Variants in LYRM4 observed in about 807,000 individuals in gnomAD.
LYRM4 encodes LYR motif-containing protein 4.
LYRM4 carries 9 observed loss-of-function variants against 11.7 expected under a neutral mutation model. The ratio of observed to expected loss-of-function variants is 0.77; its 90% CI spans 0.46 to 1.34. The LOEUF (loss-of-function observed/expected upper bound fraction) is 1.34, where lower values mean the gene tolerates loss of function less well. Ranked by LOEUF, LYRM4 falls within the 40% of genes most tolerant of loss-of-function variation. The probability of loss-of-function intolerance (pLI) is 0.00; values close to 1 mark genes in which losing one functional copy is unlikely to be tolerated. For synonymous variants in LYRM4, 42 were observed against 40.4 expected (o/e 1.04, Z -0.15); for missense variants, 133 against 112.5 (o/e 1.18, Z -0.82).
chr6:5,035,493 ACCTC>A, the LYRM4 span, among the ~76,000 whole-genome samples: 2 of 131,838 alleles, frequency 1.5e-5, no homozygotes, highest in East Asian at 4.7e-4. Flanking sequence ...ACTCTCCTCC[ACCTC>A]CCCCACCAGC....
intron 1 of LYRM4, among the ~76,000 whole-genome samples, chr6:5,225,247 CAAAA>C (rs35803077): frequency 3.9e-5 from 3 of 77,010 alleles, no homozygotes; most frequent in African/African-American, 1.6e-4. Flanking sequence ...GACTCCGAAT[CAAAA>C]AAAAAAAAAA....
chr6:5,115,555 A>G (rs1007161416), intron 2 of LYRM4, among the ~76,000 whole-genome samples: 4 of 152,144 alleles, frequency 2.6e-5, no homozygotes, highest in African/African-American at 9.7e-5. Context: ...ACCAATCTAG[A>G]GGATGAAAAT....
At chr6:5,234,340 G>A (rs374544873) in intron 1 of LYRM4, among the ~76,000 whole-genome samples, 9 of 152,208 alleles carry the variant, frequency 5.9e-5, no homozygotes, top group African/African-American at 1.9e-4. Flanking sequence ...TGGCCTTCAC[G>A]GGGCAGCTCC....
At chr6:5,055,565 AAT>A in the LYRM4 span, among the ~76,000 whole-genome samples, 1 of 152,108 alleles carries the variant, frequency 6.6e-6, no homozygotes, top group Non-Finnish European at 1.5e-5. The surrounding 1 kb of genome is among the most constrained non-coding windows in gnomAD (Gnocchi z 4.5). Flanking sequence ...AATGCTACCT[AAT>A]ATCTGTCCCA....
intron 2 of LYRM4, among the ~76,000 whole-genome samples, chr6:5,207,656 C>T (rs1761772947): frequency 1.3e-5 from 2 of 152,294 alleles, no homozygotes; most frequent in South Asian, 4.1e-4. Flanking sequence ...GAGCTGTAGC[C>T]TTCAGATCTA....
At chr6:5,081,682 G>A in the LYRM4 span, among the ~76,000 whole-genome samples, 3 of 152,164 alleles carry the variant, frequency 2.0e-5, no homozygotes, top group Non-Finnish European at 4.4e-5. Context: ...AAAACTCTTG[G>A]AATTTTCTGA....
chr6:5,078,667 G>A, the LYRM4 span, among the ~76,000 whole-genome samples: 1 of 152,126 alleles, frequency 6.6e-6, no homozygotes, highest in Non-Finnish European at 1.5e-5. Flanking sequence ...AAATGATCCA[G>A]GCAAGAAGGG....
chr6:5,109,566 C>T (rs1373756005), intron 2 of LYRM4, 75 bp from the exon 3 acceptor site: 4 of 1,436,182 alleles, frequency 2.8e-6, no homozygotes, highest in Admixed American at 1.7e-5. Context: ...GGAACATTTC[C>T]TAACATTTCT....
chr6:5,085,263 C>G, the LYRM4 span: 13 of 463,860 alleles, frequency 2.8e-5, no homozygotes, highest in East Asian at 2.1e-4. Flanking sequence ...GCCCCGGAGC[C>G]GGCCCCAGGC....
At chr6:5,211,122 T>C (rs1761967205) in intron 2 of LYRM4, among the ~76,000 whole-genome samples, 1 of 152,182 alleles carries the variant, frequency 6.6e-6, no homozygotes, top group Non-Finnish European at 1.5e-5. Flanking sequence ...TGGGGTGCAC[T>C]ATCTGTTTTC....
In LYRM4 at chr6:5,249,909, C is replaced by T. The variant is rs145735218; in HGVS notation, c.86+10739G>A. On this transcript the variant is annotated intron_variant, in intron 1 of 2. Coordinates refer to ENST00000330636, the MANE Select transcript of LYRM4 (RefSeq NM_020408.6). ...TAATATGACATGAAGTACCTTTCAT[C>T]CTCAGCAAAGTCTGCATATGACTAT... Among the ~76,000 whole-genome samples the T allele has an allele frequency of 5.3e-3, 813 of 152,256 alleles. 9 individuals carry two copies. Among genetic ancestry groups the T allele is most frequent in the African/African-American group, 0.018 (732 of 41,544 alleles).
chr6:5,082,467 C>T, the LYRM4 span, among the ~76,000 whole-genome samples: 1 of 152,104 alleles, frequency 6.6e-6, no homozygotes. Flanking sequence ...AGTCCAAATC[C>T]TAAGGCACCT....
At chr6:5,140,393 T>C (rs752794597) in intron 2 of LYRM4, among the ~76,000 whole-genome samples, 1 of 152,178 alleles carries the variant, frequency 6.6e-6, no homozygotes, top group Non-Finnish European at 1.5e-5. Flanking sequence ...AAAATAAAGC[T>C]TAACTAAAAT....
chr6:5,223,259 G>A (rs1239208728), intron 1 of LYRM4, among the ~76,000 whole-genome samples: 1 of 152,188 alleles, frequency 6.6e-6, no homozygotes, highest in African/African-American at 2.4e-5. Flanking sequence ...GCTGTTTTGA[G>A]GGTACAATAG....
intron 2 of LYRM4, among the ~76,000 whole-genome samples, chr6:5,178,008 TAAC>T (rs1759820259): frequency 6.6e-6 from 1 of 151,956 alleles, no homozygotes; most frequent in South Asian, 2.1e-4. Flanking sequence ...ATTTTTTTTT[TAAC>T]TAAGTATTTA....
At chr6:5,215,279 GTTC>G (rs2127722239) in intron 2 of LYRM4, among the ~76,000 whole-genome samples, 1 of 152,310 alleles carries the variant, frequency 6.6e-6, no homozygotes, top group African/African-American at 2.4e-5. Flanking sequence ...TCAGCTGCTT[GTTC>G]TTCTATGCTC....
In LYRM4 at chr6:5,249,701, A is replaced by C. The variant is rs75807348; in HGVS notation, c.86+10947T>G. Among the ~76,000 whole-genome samples, 453 of 152,302 alleles carry C rather than the reference A, an allele frequency of 3.0e-3. 13 individuals carry two copies. The East Asian group carries it at 0.069, about 23-fold the overall frequency. ...GCCTTAACTGAGCTGAACTTTGCTA[A>C]ATCTAGAAACTCTCAGCTTGGTTCA... is the stretch of plus-strand genomic sequence containing the variant. On this transcript the variant is annotated intron_variant, in intron 1 of 2. Transcript: ENST00000330636.
At chr6:5,233,494 C>T (rs909073769) in intron 1 of LYRM4, among the ~76,000 whole-genome samples, 12 of 152,178 alleles carry the variant, frequency 7.9e-5, no homozygotes, top group Non-Finnish European at 1.5e-4. Context: ...CCAGTGACAC[C>T]CATTATACTG....
intron 1 of LYRM4, among the ~76,000 whole-genome samples, chr6:5,240,292 A>T (rs1763802073): frequency 6.6e-6 from 1 of 152,098 alleles, no homozygotes; most frequent in African/African-American, 2.4e-5. Context: ...TACTCTGCAG[A>T]AGTATTTACA....
Sources: gnomAD v4.1 joint callset for allele counts (sites outside exome capture counted in the v4.1 genomes callset) on GRCh38, gnomAD v4.1.1 for gene constraint, Gnocchi (gnomAD v3.1) non-coding constraint, MANE v1.5 for transcripts, NCBI Gene and HGNC (gene_info 2026-07-23, HGNC 2026-07-21) for gene names.